The following LRRC4C variants were observed in gnomAD, a reference collection of about 807,000 sequenced individuals.
LRRC4C encodes leucine rich repeat containing 4C, also known as leucine-rich repeat-containing protein 4C.
In LRRC4C, 5 loss-of-function variants were observed where a neutral mutation model predicts 33.6. That is an observed-to-expected ratio of 0.15 (90% CI 0.08 to 0.31). LRRC4C has a LOEUF of 0.31. Among genes scored for constraint, LRRC4C ranks in the 10% least tolerant of loss-of-function variants. The pLI, the probability that LRRC4C is intolerant of heterozygous loss-of-function variation, is 1.00. For synonymous variants in LRRC4C, 329 were observed against 302.0 expected (o/e 1.09, Z -0.93); for missense variants, 560 against 796.7 (o/e 0.70, Z 3.58).
At chr11:40,677,106 C>T (rs966390402) in intron 2 of LRRC4C, among the ~76,000 whole-genome samples, 2 of 152,084 alleles carry the variant, frequency 1.3e-5, no homozygotes, top group African/African-American at 4.8e-5. Context: ...CATACATTTG[C>T]TGGGCGTGGT....
At chr11:40,184,709 A>G (rs1861273160) in intron 5 of LRRC4C, among the ~76,000 whole-genome samples, 1 of 152,192 alleles carries the variant, frequency 6.6e-6, no homozygotes, top group Admixed American at 6.5e-5. Context: ...ACTTACACCC[A>G]TTTCTTCACT....
At chr11:40,656,780 G>T (rs1019893361) in intron 2 of LRRC4C, among the ~76,000 whole-genome samples, 1 of 152,150 alleles carries the variant, frequency 6.6e-6, no homozygotes, top group Admixed American at 6.5e-5. Flanking sequence ...TGGATGATCT[G>T]TTGATCTTTT....
chr11:41,281,102 T>TCA (rs780934160), intron 1 of LRRC4C, among the ~76,000 whole-genome samples: 25,410 of 112,512 alleles, frequency 0.23, 2,875 homozygotes, highest in Non-Finnish European at 0.32. Flanking sequence ...TCTCTCTCTC[T>TCA]CTCACACACA....
intron 1 of LRRC4C, among the ~76,000 whole-genome samples, chr11:41,268,049 C>A (rs554699268): frequency 1.3e-5 from 2 of 152,182 alleles, no homozygotes; most frequent in East Asian, 3.9e-4. Context: ...TTGTGCTATA[C>A]TAATGCTGTA....
chr11:41,175,997 C>T (rs569926495), intron 1 of LRRC4C, among the ~76,000 whole-genome samples: 25 of 152,118 alleles, frequency 1.6e-4, no homozygotes, highest in Non-Finnish European at 2.1e-4. Context: ...CTTAAGTACT[C>T]GTCCTACGCA....
intron 2 of LRRC4C, among the ~76,000 whole-genome samples, chr11:40,735,768 CCCA>C: frequency 6.7e-6 from 1 of 149,700 alleles, no homozygotes; most frequent in African/African-American, 2.5e-5. Flanking sequence ...AGTTTACAGT[CCCA>C]CCAACAGCGT....
At chr11:40,750,345 C>T in intron 2 of LRRC4C, among the ~76,000 whole-genome samples, 1 of 152,052 alleles carries the variant, frequency 6.6e-6, no homozygotes, top group East Asian at 1.9e-4. Context: ...TTCTCCCTAA[C>T]TCATTCTATG....
At chr11:40,653,915 G>T (rs1942953874) in intron 2 of LRRC4C, among the ~76,000 whole-genome samples, 1 of 152,204 alleles carries the variant, frequency 6.6e-6, no homozygotes, top group Non-Finnish European at 1.5e-5. Flanking sequence ...TTGGTGTCCT[G>T]CATTCCAGCT....
chr11:41,357,079 C>G (rs1565608905), intron 1 of LRRC4C, among the ~76,000 whole-genome samples: 1 of 151,956 alleles, frequency 6.6e-6, no homozygotes, highest in Non-Finnish European at 1.5e-5. Flanking sequence ...TTTATTTGCA[C>G]CCTACACACA....
At position 40,922,449 on chromosome 11, in the gene LRRC4C, G is replaced by A. The variant is rs377692861; in HGVS notation, c.-407+11186C>T. ...ATTGTAGAGGAAAAATAAAGTTGCT[G>A]TTGGTTAACAGAAACCTTGAACTCT... On this transcript the variant is annotated intron_variant, in intron 2 of 6. Transcript: ENST00000528697. 7.9e-5 allele frequency among the ~76,000 whole-genome samples: 12 copies of A among 152,258 alleles called. No individual in the cohort carries two copies. In the East Asian group the frequency reaches 1.4e-3, roughly 17 times the overall value.
chr11:40,281,601 G>A (rs1325873771), intron 4 of LRRC4C, among the ~76,000 whole-genome samples: 2 of 152,114 alleles, frequency 1.3e-5, no homozygotes, highest in Non-Finnish European at 2.9e-5. Flanking sequence ...AGTTATTGAA[G>A]TTCCCACCAT....
chr11:40,847,666 C>T (rs1358028340), intron 2 of LRRC4C, among the ~76,000 whole-genome samples: 12 of 151,924 alleles, frequency 7.9e-5, no homozygotes, highest in African/African-American at 1.9e-4. Flanking sequence ...CCTCATAAAA[C>T]GAGTAAGAGA....
At chr11:40,245,109 T>C (rs1315082042) in intron 4 of LRRC4C, among the ~76,000 whole-genome samples, 1 of 152,144 alleles carries the variant, frequency 6.6e-6, no homozygotes, top group Non-Finnish European at 1.5e-5. Context: ...CCAGCAAGCA[T>C]TTCAAAATTG....
chr11:40,352,106 TCTTTCTTCCTTCCTTCCTTC>T (rs1215458009), intron 3 of LRRC4C, among the ~76,000 whole-genome samples: 8 of 101,478 alleles, frequency 7.9e-5, no homozygotes, highest in African/African-American at 1.9e-4. Context: ...TTTTTTCCTT[TCTTTCTTCCTTCCTTCCTTC>T]CTTCCTTCCT....
chr11:40,250,344 G>C (rs546811789), intron 4 of LRRC4C, among the ~76,000 whole-genome samples: 1 of 152,228 alleles, frequency 6.6e-6, no homozygotes, highest in East Asian at 1.9e-4. Flanking sequence ...CTATAGATAT[G>C]ATCCCAAATT....
intron 1 of LRRC4C, among the ~76,000 whole-genome samples, chr11:41,342,071 G>C (rs1446188163): frequency 6.6e-6 from 1 of 151,532 alleles, no homozygotes; most frequent in African/African-American, 2.4e-5. Flanking sequence ...AATAGGTGAG[G>C]CATTGAAGCC....
At chr11:40,786,995 T>C (rs1950437193) in intron 2 of LRRC4C, among the ~76,000 whole-genome samples, 1 of 152,168 alleles carries the variant, frequency 6.6e-6, no homozygotes, top group Non-Finnish European at 1.5e-5. Context: ...TATAGAAATG[T>C]TCCTATTGTC....
intron 3 of LRRC4C, among the ~76,000 whole-genome samples, chr11:40,628,336 G>A (rs1247225378): frequency 1.3e-5 from 2 of 152,068 alleles, no homozygotes; most frequent in Non-Finnish European, 2.9e-5. Flanking sequence ...AAATTAGCCG[G>A]GCGTGGTGGC....
At chr11:40,542,383 G>A (rs562741064) in intron 3 of LRRC4C, among the ~76,000 whole-genome samples, 2 of 152,086 alleles carry the variant, frequency 1.3e-5, no homozygotes, top group African/African-American at 4.8e-5. Context: ...AAAAACTCCT[G>A]TTAGCTGAAG....
Sources: gnomAD v4.1 joint callset for allele counts (sites outside exome capture counted in the v4.1 genomes callset) on GRCh38, gnomAD v4.1.1 for gene constraint, MANE v1.5 for transcripts, NCBI Gene and HGNC (gene_info 2026-07-23, HGNC 2026-07-21) for gene names.